The following CHAF1A variants were observed in gnomAD, a reference collection of about 807,000 sequenced individuals.
CHAF1A encodes the protein CAF-1 subunit A.
Under a neutral mutation model 93.2 loss-of-function variants are expected in CHAF1A, and 5 were observed. The observed-to-expected ratio is 0.05, with a 90% CI of 0.03 to 0.11. The LOEUF (loss-of-function observed/expected upper bound fraction) is 0.11. Ranked by LOEUF, CHAF1A falls within the 10% of genes least tolerant of loss-of-function variation. The pLI is 1.00. For synonymous variants in CHAF1A, 504 were observed against 510.3 expected, an observed-to-expected ratio of 0.99 and a Z score of 0.17; for missense variants, 1,102 against 1,259.9, an observed-to-expected ratio of 0.87 and a Z score of 1.90.
downstream of CHAF1A, chr19:4,447,729 T>C (rs1485762894): frequency 2.9e-5 from 35 of 1,200,486 alleles, no homozygotes; most frequent in Admixed American, 1.0e-4. Flanking sequence ...ACTTGGCCTC[T>C]AGTCAGAGGG....
At chr19:4,412,873 G>T (rs182863764) in intron 3 of CHAF1A, among the ~76,000 whole-genome samples, 2 of 152,194 alleles carry the variant, frequency 1.3e-5, no homozygotes, top group Non-Finnish European at 2.9e-5. Context: ...ACAACCACCC[G>T]CAGAGGGCCT....
downstream of CHAF1A, among the ~76,000 whole-genome samples, chr19:4,444,012 C>T (rs950872075): frequency 4.6e-5 from 7 of 152,180 alleles, no homozygotes; most frequent in African/African-American, 9.7e-5. Flanking sequence ...GCAGGGCGCC[C>T]GGGCCAGGCC....
intron 13 of CHAF1A, among the ~76,000 whole-genome samples, chr19:4,440,981 G>A (rs545582763): frequency 1.1e-4 from 16 of 147,496 alleles, no homozygotes; most frequent in South Asian, 2.2e-4. Context: ...TTAGCTGGGC[G>A]TAGTGGCGGG....
intron 4 of CHAF1A, among the ~76,000 whole-genome samples, chr19:4,419,774 C>A (rs886294541): frequency 3.3e-5 from 5 of 152,254 alleles, no homozygotes; most frequent in African/African-American, 1.2e-4. Flanking sequence ...GGAACAAGAG[C>A]ACTTTTAAAG....
chr19:4,440,964 C>T (rs1599666229), intron 13 of CHAF1A, among the ~76,000 whole-genome samples: 1 of 139,618 alleles, frequency 7.2e-6, no homozygotes, highest in African/African-American at 2.7e-5. Context: ...ACTAAAAATA[C>T]AAAAGATTAG....
Position 4,437,862 on chromosome 19 carries a change from C to T in CHAF1A, c.2673+4323C>T, listed in dbSNP as rs184480048. On this transcript the variant is annotated intron_variant, in intron 13 of 14. Coordinates refer to ENST00000301280, the MANE Select transcript of CHAF1A (RefSeq NM_005483.3). ...TCACGCCATTCTCCTGCCTCAGCCTCCCAAGTAGGTGGGACTACAGGCGCC... is the reference window on the plus strand; with the variant it reads ...TCACGCCATTCTCCTGCCTCAGCCTTCCAAGTAGGTGGGACTACAGGCGCC... Among the ~76,000 whole-genome samples the T allele has an allele frequency of 3.2e-3, 486 of 152,252 alleles. 2 individuals are homozygous for T. The highest frequency in any genetic ancestry group is 6.8e-3 in the Middle Eastern group (2 of 294).
chr19:4,445,658 G>A (rs756578803), downstream of CHAF1A: 3 of 1,594,454 alleles, frequency 1.9e-6, no homozygotes, highest in Admixed American at 5.1e-5. Context: ...CTGAGACCGA[G>A]AGTCGGCCCT....
At chr19:4,446,424 G>C (rs367564016), downstream of CHAF1A, 22 of 1,577,004 alleles carry the variant, frequency 1.4e-5, no homozygotes, top group Non-Finnish European at 1.9e-5. Flanking sequence ...CTGCACACGC[G>C]GGCCAGGTCA....
intron 12 of CHAF1A, 34 bp downstream of exon 12, chr19:4,432,241 T>C: frequency 3.8e-6 from 6 of 1,563,708 alleles, no homozygotes; most frequent in Non-Finnish European, 5.2e-6. Context: ...ACCCACCTGT[T>C]CCTGGGCCCA....
chr19:4,443,964 A>G (rs1974447909), downstream of CHAF1A, among the ~76,000 whole-genome samples: 2 of 152,154 alleles, frequency 1.3e-5, no homozygotes, highest in African/African-American at 4.8e-5. Flanking sequence ...CCTATGTGGG[A>G]AAAGTGTCAG....
chr19:4,434,112 T>C (rs1351483211), intron 13 of CHAF1A, among the ~76,000 whole-genome samples: 1 of 151,914 alleles, frequency 6.6e-6, no homozygotes, highest in Non-Finnish European at 1.5e-5. Flanking sequence ...TTTGGGAGGC[T>C]GAGGCGGGAG....
At position 4,422,454 on chromosome 19, in the gene CHAF1A, C is replaced by G. The variant is rs1405450836; in HGVS notation, c.1018-112C>G. ...GTGAGCCACCATGCCTAGCCTTGGT[C>G]CCTCAATTCTGTTCATCCCGTCCAG... On this transcript the variant is annotated intron_variant, in intron 4 of 14. Transcript: ENST00000301280. The surrounding 1 kb of genome is among the most constrained non-coding windows in gnomAD (Gnocchi z 4.6). 3 of 934,288 alleles carry G rather than the reference C, an allele frequency of 3.2e-6. No individual in the cohort carries two copies. The highest frequency in any genetic ancestry group is 4.9e-6 in the Non-Finnish European group (3 of 614,310). The allele number at this position is 934,288 out of a possible 1,614,324, so 57.9% of individuals were successfully genotyped here.
rs1399023837 is a variant in CHAF1A, at chr19:4,429,560, A to G, written c.1727A>G (p.Lys576Arg). Residue 576 changes from lysine (K) to arginine (R), a missense_variant, in exon 9 of 15, where the codon AAG becomes AGG. Lys to Arg is a conservative substitution (Grantham distance 26). This residue lies in a region of CHAF1A where 335 missense variants were observed against 361.9 expected (regional missense o/e 0.93). Coordinates refer to ENST00000301280, the MANE Select transcript of CHAF1A (RefSeq NM_005483.3). ...CCTGCCTACTGGGGTACCTGGAATAAGAAGACGGCACTCATCCGCGCGCGA... is the reference window on the plus strand; with the variant it reads ...CCTGCCTACTGGGGTACCTGGAATAGGAAGACGGCACTCATCCGCGCGCGA... ...HRPAYWGTWN[K>R]KTALIRARDP... 2 of 1,614,046 alleles carry G rather than the reference A, an allele frequency of 1.2e-6. No homozygotes were observed. The highest frequency in any genetic ancestry group is 1.7e-6 in the Non-Finnish European group (2 of 1,179,986).
intron 7 of CHAF1A, among the ~76,000 whole-genome samples, chr19:4,424,390 C>T (rs1974043809): frequency 6.6e-6 from 1 of 152,208 alleles, no homozygotes; most frequent in Non-Finnish European, 1.5e-5. Context: ...TGTATTTATA[C>T]ACATGTGTAC....
chr19:4,450,018 A>T (rs1336909800), downstream of CHAF1A: 3 of 151,952 alleles, frequency 2.0e-5, no homozygotes, highest in African/African-American at 7.3e-5. Context: ...TCACGAGATT[A>T]GGAGAGCGAG....
intron 2 of CHAF1A, 89 bp from the exon 3 acceptor site, chr19:4,408,814 C>A: frequency 6.8e-7 from 1 of 1,471,662 alleles, no homozygotes; most frequent in East Asian, 2.3e-5. Context: ...TCTCCCACCC[C>A]CATGTCCCAA....
At chr19:4,443,952 A>G (rs566205410), downstream of CHAF1A, among the ~76,000 whole-genome samples, 187 of 152,074 alleles carry the variant, frequency 1.2e-3, 1 homozygote, top group African/African-American at 4.5e-3. Context: ...CCTTCAGGGA[A>G]CCCTATGTGG....
At chr19:4,408,016 CCT>C (rs1973711807) in intron 2 of CHAF1A, among the ~76,000 whole-genome samples, 1 of 151,706 alleles carries the variant, frequency 6.6e-6, no homozygotes, top group South Asian at 2.1e-4. Flanking sequence ...CCCCCCACCC[CCT>C]CTTTTTTTTT....
Position 4,442,338 on chromosome 19 carries a change from G to A in CHAF1A, c.2767G>A (p.Ala923Thr). 1 of 1,593,780 alleles carries A rather than the reference G, an allele frequency of 6.3e-7. No individual in the cohort carries two copies. Among genetic ancestry groups the A allele is most frequent in the Non-Finnish European group, 8.6e-7 (1 of 1,168,828 alleles). ...TATGATCGTGGATGTCCCGGATGCT[G>A]CGGGTGAGAAGGGCTGTAGATAGCA... ...DCMIVDVPDAAEVQAPCGAAS... is the reference protein window; with the variant it reads ...DCMIVDVPDATEVQAPCGAAS... Residue 923 changes from alanine to threonine, a missense_variant, in exon 14 of 15, where the codon GCG (alanine) becomes ACG (threonine). Ala to Thr is a moderately conservative substitution (Grantham distance 58). Around this residue, in one of 6 missense-constraint regions of CHAF1A, gnomAD observed 119 missense variants for 102.2 expected, o/e 1.16. Coordinates refer to ENST00000301280, the MANE Select transcript of CHAF1A (RefSeq NM_005483.3).
Sources: gnomAD v4.1 joint callset for allele counts (sites outside exome capture counted in the v4.1 genomes callset) on GRCh38, gnomAD v4.1.1 for gene constraint, gnomAD v4.1.1 regional missense constraint, Gnocchi (gnomAD v3.1) non-coding constraint, MANE v1.5 for transcripts, NCBI Gene and HGNC (gene_info 2026-07-23, HGNC 2026-07-21) for gene names.